Variants in STARD13 observed in about 807,000 individuals in gnomAD.
STARD13 encodes the protein stAR-related lipid transfer protein 13.
A neutral mutation model predicts 106.4 loss-of-function variants in STARD13; 62 were observed. The observed-to-expected ratio is 0.58, with a 90% confidence interval of 0.48 to 0.72. STARD13 has a LOEUF of 0.72. STARD13 is among the 30% of genes least tolerant of loss of function. The pLI, the probability that STARD13 is intolerant of heterozygous loss-of-function variation, is 0.00. For synonymous variants in STARD13, 565 were observed against 553.0 expected (o/e 1.02, Z -0.31); for missense variants, 1,387 against 1,424.0 (o/e 0.97, Z 0.42).
the STARD13 span, among the ~76,000 whole-genome samples, chr13:33,623,231 TA>T: frequency 1.3e-5 from 2 of 152,074 alleles, no homozygotes; most frequent in Non-Finnish European, 2.9e-5. Context: ...AAATGAGATA[TA>T]AAATGTTTTA....
the STARD13 span, among the ~76,000 whole-genome samples, chr13:33,464,997 A>G: frequency 5.9e-5 from 9 of 152,290 alleles, no homozygotes; most frequent in African/African-American, 2.2e-4. Flanking sequence ...CCTCAAGCCA[A>G]AATTTGGGAA....
At chr13:33,571,133 A>G in the STARD13 span, among the ~76,000 whole-genome samples, 18 of 152,238 alleles carry the variant, frequency 1.2e-4, no homozygotes, top group East Asian at 3.1e-3. Context: ...TTTACTGGGC[A>G]TGTGTCAGAC....
chr13:33,565,015 A>C, the STARD13 span, among the ~76,000 whole-genome samples: 4 of 146,688 alleles, frequency 2.7e-5, no homozygotes, highest in Non-Finnish European at 6.0e-5. Flanking sequence ...GAAAAAAAGA[A>C]AAAAAAATCC....
the STARD13 span, among the ~76,000 whole-genome samples, chr13:33,373,411 A>T: frequency 6.6e-6 from 1 of 152,196 alleles, no homozygotes; most frequent in African/African-American, 2.4e-5. Flanking sequence ...TAACAACTCA[A>T]ATTAAAAAAT....
intron 1 of STARD13, among the ~76,000 whole-genome samples, chr13:33,200,937 A>G (rs1013586862): frequency 2.6e-5 from 4 of 151,994 alleles, no homozygotes; most frequent in African/African-American, 9.7e-5. Context: ...GAGGCGGGAG[A>G]ATGGCGTGAA....
chr13:33,321,761 G>A (rs576816266), intron 1 of STARD13, among the ~76,000 whole-genome samples: 3 of 152,098 alleles, frequency 2.0e-5, no homozygotes, highest in Non-Finnish European at 4.4e-5. Context: ...AGTCCACATT[G>A]CTTATTTCTC....
At chr13:33,154,038 C>T (rs998998618) in intron 3 of STARD13, among the ~76,000 whole-genome samples, 1 of 152,206 alleles carries the variant, frequency 6.6e-6, no homozygotes, top group Non-Finnish European at 1.5e-5. Context: ...TGCTGGCGGA[C>T]TGTTGGAAAA....
the STARD13 span, among the ~76,000 whole-genome samples, chr13:33,431,267 T>C: frequency 6.6e-6 from 1 of 152,162 alleles, no homozygotes; most frequent in East Asian, 1.9e-4. Context: ...AGATGTGCTG[T>C]TAAGTGTAAA....
At chr13:33,317,765 A>G (rs572241772) in intron 1 of STARD13, among the ~76,000 whole-genome samples, 1 of 152,334 alleles carries the variant, frequency 6.6e-6, no homozygotes, top group South Asian at 2.1e-4. Flanking sequence ...AGGACAAAGT[A>G]AACTCTATGA....
the STARD13 span, among the ~76,000 whole-genome samples, chr13:33,403,199 GCAA>G: frequency 6.6e-6 from 1 of 152,192 alleles, no homozygotes; most frequent in Non-Finnish European, 1.5e-5. Flanking sequence ...AGGAGTTTGA[GCAA>G]CAACGATGAC....
At chr13:33,114,311 C>T (rs1020072175) in intron 8 of STARD13, among the ~76,000 whole-genome samples, 14 of 152,148 alleles carry the variant, frequency 9.2e-5, no homozygotes, top group African/African-American at 3.4e-4. Flanking sequence ...GGGGGGCTAT[C>T]GATGCTGGAT....
chr13:33,504,139 A>G, the STARD13 span, among the ~76,000 whole-genome samples: 11 of 152,172 alleles, frequency 7.2e-5, no homozygotes, highest in Admixed American at 2.0e-4. Context: ...AAATAGGAAC[A>G]CTTTTACACT....
chr13:33,434,321 C>G, the STARD13 span, among the ~76,000 whole-genome samples: 38,803 of 139,986 alleles, frequency 0.28, 5,879 homozygotes, highest in Non-Finnish European at 0.35. Flanking sequence ...CCACTGCACT[C>G]CAGCCTGGAT....
At chr13:33,255,106 C>CT (rs199832112) in intron 1 of STARD13, among the ~76,000 whole-genome samples, 3 of 144,846 alleles carry the variant, frequency 2.1e-5, no homozygotes, top group Non-Finnish European at 4.6e-5. Flanking sequence ...GCTCCCCCCC[C>CT]CCTCAGAGGC....
intron 3 of STARD13, among the ~76,000 whole-genome samples, chr13:33,158,378 A>G (rs1475517793): frequency 6.6e-6 from 1 of 152,198 alleles, no homozygotes; most frequent in Non-Finnish European, 1.5e-5. Flanking sequence ...CTATCTATCT[A>G]CTCAGGAGAG....
chr13:33,563,520 A>C, the STARD13 span, among the ~76,000 whole-genome samples: 8 of 147,410 alleles, frequency 5.4e-5, 1 homozygote, highest in Non-Finnish European at 9.0e-5. Context: ...AAACTGGATA[A>C]CCATACACAA....
At chr13:33,623,428 TAAAAAAA>T in the STARD13 span, among the ~76,000 whole-genome samples, 1 of 59,298 alleles carries the variant, frequency 1.7e-5, no homozygotes, top group East Asian at 5.1e-4. Context: ...CTCAATAAAG[TAAAAAAA>T]AAAAAAAAAA....
chr13:33,552,279 C>T, the STARD13 span, among the ~76,000 whole-genome samples: 1 of 152,110 alleles, frequency 6.6e-6, no homozygotes, highest in Admixed American at 6.5e-5. Flanking sequence ...TTACACAACA[C>T]GATCAGCAGA....
chr13:33,356,299 AT>A, the STARD13 span, among the ~76,000 whole-genome samples: 1 of 152,194 alleles, frequency 6.6e-6, no homozygotes, highest in Non-Finnish European at 1.5e-5. Context: ...TAGCATATCG[AT>A]TTAGGTAATT....
Sources: gnomAD v4.1 joint callset for allele counts (sites outside exome capture counted in the v4.1 genomes callset) on GRCh38, gnomAD v4.1.1 for gene constraint, MANE v1.5 for transcripts, NCBI Gene and HGNC (gene_info 2026-07-23, HGNC 2026-07-21) for gene names.